The following CEP41 variants were observed in gnomAD, a reference collection of about 807,000 sequenced individuals.
CEP41 encodes centrosomal protein 41, also known as centrosomal protein of 41 kDa.
A neutral mutation model predicts 44.3 loss-of-function variants in CEP41; 32 were observed. The observed-to-expected ratio is 0.72, with a 90% CI of 0.54 to 0.97. The LOEUF (loss-of-function observed/expected upper bound fraction) is 0.97. Ranked by LOEUF, CEP41 falls within the 50% of genes least tolerant of loss-of-function variation. The pLI is 0.00. For missense variants in CEP41, 432 were observed against 455.2 expected (o/e 0.95, Z 0.46); for synonymous variants, 151 against 168.5 (o/e 0.90, Z 0.80).
intron 3 of CEP41, 22 bp from the exon 4 acceptor site, chr7:130,412,262 G>A (rs1554419948): frequency 2.4e-6 from 3 of 1,245,708 alleles, no homozygotes; most frequent in Non-Finnish European, 3.5e-6. Flanking sequence ...GGTAAGACAA[G>A]TATTTATCTA....
intron 7 of CEP41, 93 bp downstream of exon 7, chr7:130,402,555 G>C (rs543959327): frequency 2.9e-6 from 4 of 1,368,624 alleles, no homozygotes; most frequent in East Asian, 4.6e-5. Context: ...TTCCTCAACT[G>C]TCTACCATGG....
rs781822221 is a variant in CEP41, at chr7:130,400,723, G to A, written c.741C>T (p.Leu247=). 6 of 1,611,544 alleles carry A rather than the reference G, an allele frequency of 3.7e-6. No individual in the cohort carries two copies. The East Asian group carries it at 1.1e-4, about 30-fold the overall frequency. ...CTTGCTCACCTCCGGAAAGCATGAA[G>A]AGGTTTTCAAATCCACGCTCGCACA... ...TTMCERGFEN[L]FMLSGGLKVL... Residue 247 remains leucine, a synonymous_variant, in exon 9 of 11, where the codon CTC becomes CTT. Transcript: ENST00000223208.
chr7:130,401,962 A>G lies in CEP41; in HGVS notation c.575-14T>C. 6.5e-7 allele frequency: 1 copy of G among 1,544,672 alleles called. No individual in the cohort carries two copies. Among genetic ancestry groups the G allele is most frequent in the Non-Finnish European group, 8.9e-7 (1 of 1,120,856 alleles). On this transcript the variant is annotated splice_polypyrimidine_tract_variant and intron_variant, in intron 7 of 10. Transcript: ENST00000223208. ...GGTAACTGTAAGCTGCAAAGAGAAG[A>G]AAAAGTTTAGGAAGTCTGTTGTTCT...
intron 2 of CEP41, among the ~76,000 whole-genome samples, chr7:130,422,740 A>C: frequency 6.6e-6 from 1 of 152,216 alleles, no homozygotes. Context: ...GTGAGTTTTA[A>C]GCAATGAAAC....
In CEP41 at chr7:130,399,059, AG is replaced by A; in HGVS notation, c.974-21del. The A allele has an allele frequency of 6.2e-7, 1 of 1,613,254 alleles. No homozygotes were observed. The highest frequency in any genetic ancestry group is 8.5e-7 in the Non-Finnish European group (1 of 1,180,004). On this transcript the variant is annotated intron_variant, in intron 10 of 10. Coordinates refer to ENST00000223208, the MANE Select transcript of CEP41 (RefSeq NM_018718.3). ...GTCGGCCTGAAGGGAGCAAGAAAGAAGGAACAGAGCTGCAAGAATGATTCCA... is the reference window on the plus strand; with the variant it reads ...GTCGGCCTGAAGGGAGCAAGAAAGAAGAACAGAGCTGCAAGAATGATTCCA...
At chr7:130,417,301 C>A in intron 2 of CEP41, 1 of 1,118,000 alleles carries the variant, frequency 8.9e-7, no homozygotes, top group South Asian at 2.5e-5. Flanking sequence ...TCCCCTGCCC[C>A]CGCTGACGAT....
chr7:130,411,017 C>A, intron 5 of CEP41, 105 bp downstream of exon 5: 2 of 937,058 alleles, frequency 2.1e-6, no homozygotes, highest in Non-Finnish European at 3.6e-6. Context: ...CAAATAGATA[C>A]ATCAAAGTCC....
intron 3 of CEP41, among the ~76,000 whole-genome samples, chr7:130,413,180 G>A (rs1456995326): frequency 7.9e-5 from 12 of 151,934 alleles, no homozygotes; most frequent in African/African-American, 1.5e-4. Flanking sequence ...TAGTAGAGAC[G>A]GGGTTTCACC....
chr7:130,401,923 C>G lies in CEP41; in HGVS notation c.600G>C (p.Leu200=). Residue 200 remains leucine, a synonymous_variant, in exon 8 of 11, where the codon CTG becomes CTC. Transcript: ENST00000223208. ...TTGAATAAGGGTTCATTGTTCTAGA[C>G]AGAGTTGCAATTGGGTAACTGTAAG... is the stretch of plus-strand genomic sequence containing the variant. The part of the protein sequence containing the change: ...VGAYSYPIAT[L]SRTMNPYSND... 1 of 1,610,934 alleles carries G rather than the reference C, an allele frequency of 6.2e-7. No homozygotes were observed.
chr7:130,404,414 A>C (rs1796944605), intron 6 of CEP41, 150 bp downstream of exon 6: 1 of 671,636 alleles, frequency 1.5e-6, no homozygotes, highest in Non-Finnish European at 2.6e-6. Context: ...GCATTTATAT[A>C]AAGATAAAGT....
At chr7:130,402,838 GGTT>G in intron 6 of CEP41, 39 bp from the exon 7 acceptor site, 1 of 1,612,162 alleles carries the variant, frequency 6.2e-7, no homozygotes, top group Non-Finnish European at 8.5e-7. Context: ...ACTAGTCAGA[GGTT>G]GGTGGCTTAA....
At chr7:130,406,270 A>C (rs1284192659) in intron 5 of CEP41, among the ~76,000 whole-genome samples, 1 of 152,176 alleles carries the variant, frequency 6.6e-6, no homozygotes, top group African/African-American at 2.4e-5. Context: ...TCTAACCAAT[A>C]CAATAAAGTT....
intron 2 of CEP41, chr7:130,420,965 G>A (rs558633003): frequency 1.0e-6 from 1 of 980,622 alleles, no homozygotes; most frequent in East Asian, 1.1e-4. Context: ...TATATGTTAT[G>A]TGCTACATAT....
chr7:130,404,568 G>A lies in CEP41; in HGVS notation c.418C>T (p.Gln140Ter), dbSNP rs781848162. 9 of 1,613,736 alleles carry A rather than the reference G, an allele frequency of 5.6e-6. No homozygotes were observed. In the Admixed American group the frequency reaches 1.3e-4, roughly 24 times the overall value. The change falls in exon 6 of 11, where the codon CAG becomes TAG. Residue 140 changes from glutamine to a stop codon, truncating the protein, a stop_gained. Transcript: ENST00000223208. LOFTEE classifies it high-confidence loss of function. Reference sequence around the variant, plus strand: ...ATATGAATCAGCTTCGAGTACCTCTGAAGAGTTGAGCGGCTGGAGTCCCCT... The same window carrying A: ...ATATGAATCAGCTTCGAGTACCTCTAAAGAGTTGAGCGGCTGGAGTCCCCT... ...GAGDSSRSTL[Q>*]SVISGVGELD...
intron 2 of CEP41, among the ~76,000 whole-genome samples, chr7:130,427,453 T>G (rs1347902314): frequency 6.6e-6 from 1 of 152,204 alleles, no homozygotes; most frequent in Non-Finnish European, 1.5e-5. Context: ...TTCAAGTCTG[T>G]CTGCCTCCGC....
chr7:130,419,730 C>T (rs1206199915), intron 2 of CEP41: 2 of 985,240 alleles, frequency 2.0e-6, no homozygotes, highest in Non-Finnish European at 2.4e-6. Flanking sequence ...CAACTCACTA[C>T]CTCTTAATGT....
At chr7:130,426,647 T>G (rs1554423578) in intron 2 of CEP41, 3 of 456,200 alleles carry the variant, frequency 6.6e-6, no homozygotes, top group South Asian at 4.7e-5. Context: ...ATCACTTACT[T>G]CAGAAGGGTG....
chr7:130,414,216 A>G (rs1216823635), intron 3 of CEP41, among the ~76,000 whole-genome samples: 1 of 152,238 alleles, frequency 6.6e-6, no homozygotes, highest in African/African-American at 2.4e-5. Context: ...ACAGACCATT[A>G]CTTCTAGGAA....
rs1554415514 is a variant in CEP41 at position 130,397,885 on chromosome 7, C to A, written c.*1006G>T. On this transcript the variant is annotated 3_prime_UTR_variant, in exon 11 of 11. Transcript: ENST00000223208. ...TTCAGTCATGAGAATGAAAAGTAAG[C>A]AGGAAATTGCACTAATTACTCAATT... 1 of 453,098 alleles carries A rather than the reference C, an allele frequency of 2.2e-6. No individual in the cohort carries two copies. Among genetic ancestry groups the A allele is most frequent in the South Asian group, 1.6e-5 (1 of 64,460 alleles). The allele number at this position is 453,098 out of a possible 1,614,324, so 28.1% of individuals were successfully genotyped here. A position where few individuals can be genotyped will look rare whatever the true frequency, so the allele number is the denominator to read the frequency against.
Sources: gnomAD v4.1 joint callset for allele counts (sites outside exome capture counted in the v4.1 genomes callset) on GRCh38, gnomAD v4.1.1 for gene constraint, MANE v1.5 for transcripts, NCBI Gene and HGNC (gene_info 2026-07-23, HGNC 2026-07-21) for gene names.